Variants in KCNJ6 observed in about 807,000 individuals in gnomAD.
The protein encoded by KCNJ6 is potassium inwardly rectifying channel subfamily J member 6, also known as G protein-activated inward rectifier potassium channel 2.
A neutral mutation model predicts 34.2 loss-of-function variants in KCNJ6; 9 were observed. The observed-to-expected ratio is 0.26, with a 90% CI of 0.16 to 0.46. The LOEUF (loss-of-function observed/expected upper bound fraction) is 0.46. KCNJ6 is among the 20% of genes least tolerant of loss of function. The pLI is 1.00. For synonymous variants in KCNJ6, 196 were observed against 207.1 expected, an observed-to-expected ratio of 0.95 and a Z score of 0.46; for missense variants, 236 against 531.3, an observed-to-expected ratio of 0.44 and a Z score of 5.46.
At chr21:37,853,859 T>TATATATATATACATATATATAA (rs2055550771) in intron 1 of KCNJ6, among the ~76,000 whole-genome samples, 1 of 146,786 alleles carries the variant, frequency 6.8e-6, no homozygotes, top group South Asian at 2.1e-4. Flanking sequence ...TATATATATA[T>TATATATATATACATATATATAA]ATAAATTACA....
intron 2 of KCNJ6, among the ~76,000 whole-genome samples, chr21:37,768,544 CAT>C (rs1486901401): frequency 6.6e-6 from 1 of 152,298 alleles, no homozygotes; most frequent in East Asian, 1.9e-4. Flanking sequence ...GTTCATAGTG[CAT>C]AGATTCATGA....
intron 3 of KCNJ6, among the ~76,000 whole-genome samples, chr21:37,696,108 C>T (rs1418133849): frequency 1.3e-5 from 2 of 152,188 alleles, no homozygotes; most frequent in Non-Finnish European, 2.9e-5. Flanking sequence ...AAAGAGAACA[C>T]ATCAATGTAG....
intron 1 of KCNJ6, among the ~76,000 whole-genome samples, chr21:37,876,843 A>G (rs1218604162): frequency 1.3e-5 from 2 of 152,198 alleles, no homozygotes; most frequent in Non-Finnish European, 2.9e-5. Flanking sequence ...TTGAAGTAGA[A>G]GCAACATTAA....
chr21:37,855,699 T>C (rs1274326714), intron 1 of KCNJ6, among the ~76,000 whole-genome samples: 2 of 152,210 alleles, frequency 1.3e-5, no homozygotes, highest in Non-Finnish European at 2.9e-5. Context: ...CAGAATCATG[T>C]CCTTTGTTTA....
intron 1 of KCNJ6, among the ~76,000 whole-genome samples, chr21:37,850,289 T>C (rs1280226694): frequency 6.6e-6 from 1 of 152,006 alleles, no homozygotes; most frequent in Non-Finnish European, 1.5e-5. Flanking sequence ...ATATAAGGGA[T>C]ACTTAGAACA....
chr21:37,654,813 C>T (rs1175006521), intron 3 of KCNJ6, among the ~76,000 whole-genome samples: 1 of 152,220 alleles, frequency 6.6e-6, no homozygotes, highest in East Asian at 1.9e-4. Flanking sequence ...CCTGTCTGCA[C>T]AGCCCCTGGC....
chr21:37,620,395 CTTTG>C lies in KCNJ6; in HGVS notation c.*4760_*4763del, dbSNP rs1276099111. ...TGGCTGTGGCTGTGTTCCAATAAAA[CTTTG>C]TTTGTGGACATTGAAATTTGAATTT... On this transcript the variant is annotated 3_prime_UTR_variant, in exon 4 of 4. Transcript: ENST00000609713. 5 of 152,186 alleles carry C rather than the reference CTTTG, an allele frequency of 3.3e-5. No individual in the cohort carries two copies. The highest frequency in any genetic ancestry group is 7.4e-5 in the Non-Finnish European group (5 of 68,018). 9.4% of individuals were successfully genotyped at this position (152,186 alleles called of 1,614,324 possible).
intron 1 of KCNJ6, among the ~76,000 whole-genome samples, chr21:37,863,710 A>T (rs2055605838): frequency 6.6e-6 from 1 of 152,102 alleles, no homozygotes; most frequent in Non-Finnish European, 1.5e-5. Context: ...TATAACATCA[A>T]CGCCCCACTT....
In KCNJ6 at chr21:37,612,912, A is replaced by G. The variant is rs754231536; in HGVS notation, c.*12247T>C. The G allele has an allele frequency of 3.3e-5, 5 of 152,180 alleles. No homozygotes were observed. The highest frequency in any genetic ancestry group is 4.8e-5 in the African/African-American group (2 of 41,450). 9.4% of individuals were successfully genotyped at this position (152,180 alleles called of 1,614,324 possible). A position where few individuals can be genotyped will look rare whatever the true frequency, so the allele number is the denominator to read the frequency against. ...GATTTTTAGATAGAACACCAAAGACATGATCATGAAAGAAGTAAATGATAA... is the reference window on the plus strand; with the variant it reads ...GATTTTTAGATAGAACACCAAAGACGTGATCATGAAAGAAGTAAATGATAA... On this transcript the variant is annotated 3_prime_UTR_variant, in exon 4 of 4. Coordinates refer to ENST00000609713, the MANE Select transcript of KCNJ6 (RefSeq NM_002240.5).
At chr21:37,719,820 A>AGTGGGATTG (rs777920280) in intron 2 of KCNJ6, among the ~76,000 whole-genome samples, 9 of 152,214 alleles carry the variant, frequency 5.9e-5, no homozygotes, top group Non-Finnish European at 1.3e-4. Flanking sequence ...TCCTCGAATC[A>AGTGGGATTG]GTGGGATTGT....
chr21:37,798,451 A>G (rs2055253584), intron 2 of KCNJ6, among the ~76,000 whole-genome samples: 1 of 151,566 alleles, frequency 6.6e-6, no homozygotes, highest in Non-Finnish European at 1.5e-5. Flanking sequence ...CCCAAGAGAA[A>G]GAAAACATAT....
At chr21:37,728,411 C>A (rs950449916) in intron 2 of KCNJ6, among the ~76,000 whole-genome samples, 2 of 152,038 alleles carry the variant, frequency 1.3e-5, no homozygotes, top group Non-Finnish European at 2.9e-5. Flanking sequence ...TTGAAGTGTG[C>A]GCTTTAAGAA....
intron 1 of KCNJ6, among the ~76,000 whole-genome samples, chr21:37,850,273 T>C (rs2055530830): frequency 6.6e-6 from 1 of 152,092 alleles, no homozygotes; most frequent in Non-Finnish European, 1.5e-5. Context: ...GGTTAGTTAC[T>C]CTGACATATA....
chr21:37,880,890 T>C (rs1235273070), intron 1 of KCNJ6, among the ~76,000 whole-genome samples: 2 of 152,112 alleles, frequency 1.3e-5, no homozygotes, highest in Non-Finnish European at 2.9e-5. Flanking sequence ...GAAGGCAAAC[T>C]TCAAAAGAAT....
At chr21:37,730,082 G>C (rs1389541251) in intron 2 of KCNJ6, among the ~76,000 whole-genome samples, 1 of 152,194 alleles carries the variant, frequency 6.6e-6, no homozygotes, top group Non-Finnish European at 1.5e-5. Context: ...GTCTTGCCCA[G>C]GGACTGTGGA....
chr21:37,754,038 T>C (rs1281776355), intron 2 of KCNJ6, among the ~76,000 whole-genome samples: 1 of 152,236 alleles, frequency 6.6e-6, no homozygotes, highest in Non-Finnish European at 1.5e-5. Flanking sequence ...TTTTCTTGAA[T>C]TTTTGAAGAC....
chr21:37,809,456 C>A (rs1425773412), intron 2 of KCNJ6, among the ~76,000 whole-genome samples: 1 of 151,820 alleles, frequency 6.6e-6, no homozygotes, highest in Non-Finnish European at 1.5e-5. Context: ...AGCACACCAA[C>A]ATGGCACATG....
At chr21:37,651,540 T>C (rs185628463) in intron 3 of KCNJ6, among the ~76,000 whole-genome samples, 1 of 152,034 alleles carries the variant, frequency 6.6e-6, no homozygotes, top group East Asian at 1.9e-4. Flanking sequence ...GGAGTGGTCA[T>C]GCAGAGGAAG....
intron 2 of KCNJ6, among the ~76,000 whole-genome samples, chr21:37,735,557 G>C (rs1601445172): frequency 6.6e-6 from 1 of 152,172 alleles, no homozygotes; most frequent in South Asian, 2.1e-4. Flanking sequence ...TAGGGAGGTC[G>C]GGGCCAGGGC....
Sources: gnomAD v4.1 joint callset for allele counts (sites outside exome capture counted in the v4.1 genomes callset) on GRCh38, gnomAD v4.1.1 for gene constraint, MANE v1.5 for transcripts, NCBI Gene and HGNC (gene_info 2026-07-23, HGNC 2026-07-21) for gene names.